TENT4B: variants seen among roughly 807,000 people sequenced by gnomAD.
TENT4B encodes PAP associated domain containing 5.
In TENT4B, 10 loss-of-function variants were observed where a neutral mutation model predicts 75.0. The ratio of observed to expected loss-of-function variants is 0.13; its 90% CI spans 0.08 to 0.23. The LOEUF is 0.23. TENT4B is among the 10% of genes least tolerant of loss of function. TENT4B has a pLI of 1.00. For missense variants in TENT4B, 579 were observed against 893.8 expected (o/e 0.65, Z 4.49); for synonymous variants, 350 against 357.7 (o/e 0.98, Z 0.24).
chr16:50,194,212 C>T (rs369255432), intron 1 of TENT4B, among the ~76,000 whole-genome samples: 45 of 89,212 alleles, frequency 5.0e-4, no homozygotes, highest in African/African-American at 1.3e-3. Flanking sequence ...TTTCTCTTTT[C>T]TTTCTTTTTT....
At chr16:50,186,480 T>A (rs1300615744) in intron 1 of TENT4B, among the ~76,000 whole-genome samples, 1 of 152,218 alleles carries the variant, frequency 6.6e-6, no homozygotes, top group Non-Finnish European at 1.5e-5. Flanking sequence ...GTTTTTTCAT[T>A]CAACCTTGAT....
intron 1 of TENT4B, among the ~76,000 whole-genome samples, chr16:50,206,216 C>T (rs936213032): frequency 1.4e-4 from 22 of 152,212 alleles, no homozygotes; most frequent in Admixed American, 1.1e-3. Flanking sequence ...TTTGTGTAAA[C>T]ATTATCGTTT....
intron 1 of TENT4B, among the ~76,000 whole-genome samples, chr16:50,188,098 A>G (rs1003845892): frequency 1.5e-4 from 23 of 152,210 alleles, no homozygotes; most frequent in African/African-American, 5.5e-4. Context: ...AAATAAGTTT[A>G]CAAGTTAAAG....
intron 1 of TENT4B, among the ~76,000 whole-genome samples, chr16:50,175,252 TTAAA>T (rs2038283974): frequency 6.6e-6 from 1 of 152,200 alleles, no homozygotes; most frequent in African/African-American, 2.4e-5. Context: ...TTTCATTCTC[TTAAA>T]TAGTGTCTTT....
chr16:50,228,607 C>G (rs915013142), intron 11 of TENT4B, among the ~76,000 whole-genome samples: 2 of 82,414 alleles, frequency 2.4e-5, no homozygotes, highest in Non-Finnish European at 6.8e-5. Context: ...GGGAATAGGC[C>G]TCTTGGCTGT....
intron 1 of TENT4B, among the ~76,000 whole-genome samples, chr16:50,176,697 G>A (rs1227946604): frequency 6.6e-6 from 1 of 151,122 alleles, no homozygotes; most frequent in Non-Finnish European, 1.5e-5. Flanking sequence ...AGTAGAGATG[G>A]GGTTTCACCA....
rs869060811 is a variant in TENT4B at position 50,182,891 on chromosome 16, C to CTTTTTTTTTTTTTTTTT, written c.639-28417_639-28401dup. 4.7e-3 allele frequency among the ~76,000 whole-genome samples: 173 copies of CTTTTTTTTTTTTTTTTT among 36,474 alleles called. 50 individuals carry two copies. Among genetic ancestry groups the CTTTTTTTTTTTTTTTTT allele is most frequent in the Non-Finnish European group, 6.7e-3 (133 of 19,704 alleles). 23.9% of individuals were successfully genotyped at this position (36,474 alleles called of 152,430 possible). ...CCAAGTACAGCAAGTTTTATTTTAC[C>CTTTTTTTTTTTTTTTTT]TTTTTTTTTTTTTTTTTTTTTTTTT... is the stretch of plus-strand genomic sequence containing the variant. On this transcript the variant is annotated intron_variant, in intron 1 of 11. Coordinates refer to ENST00000561678, the MANE Select transcript of TENT4B (RefSeq NM_001365324.3).
intron 1 of TENT4B, among the ~76,000 whole-genome samples, chr16:50,197,052 A>C (rs556248924): frequency 6.6e-6 from 1 of 151,932 alleles, no homozygotes; most frequent in African/African-American, 2.4e-5. Flanking sequence ...TGCTGCAGTG[A>C]GATGTGATTG....
rs75868175 is a variant in TENT4B at position 50,232,056 on chromosome 16, A to G, written c.*2728A>G. On this transcript the variant is annotated 3_prime_UTR_variant, in exon 12 of 12. Coordinates refer to ENST00000561678, the MANE Select transcript of TENT4B (RefSeq NM_001365324.3). Reference sequence around the variant, plus strand: ...GGTGACATTTCTCAGGCAGTCATGTATGTGTACCTGGCCATTAGAAATATT... The same window carrying G: ...GGTGACATTTCTCAGGCAGTCATGTGTGTGTACCTGGCCATTAGAAATATT... 2.3e-4 allele frequency: 228 copies of G among 985,376 alleles called. No individual in the cohort carries two copies. The African/African-American group carries it at 3.8e-3, about 17-fold the overall frequency. 61.0% of individuals were successfully genotyped at this position (985,376 alleles called of 1,614,324 possible). A position where few individuals can be genotyped will look rare whatever the true frequency, so the allele number is the denominator to read the frequency against.
chr16:50,192,233 A>C (rs1211160106), intron 1 of TENT4B, among the ~76,000 whole-genome samples: 3 of 8,064 alleles, frequency 3.7e-4, no homozygotes, highest in Non-Finnish European at 1.6e-3. Context: ...ACTCTGTCTC[A>C]AAAAAAAAAA....
At chr16:50,217,290 A>G (rs1434266781) in intron 4 of TENT4B, among the ~76,000 whole-genome samples, 1 of 152,228 alleles carries the variant, frequency 6.6e-6, no homozygotes. Flanking sequence ...AACAATAAAA[A>G]TAAATAATAA....
chr16:50,196,653 G>C (rs1211597596), intron 1 of TENT4B, among the ~76,000 whole-genome samples: 1 of 151,968 alleles, frequency 6.6e-6, no homozygotes, highest in East Asian at 1.9e-4. Context: ...ACTGGCCAGG[G>C]GTAGTGCCTC....
At chr16:50,175,139 A>G (rs534795800) in intron 1 of TENT4B, among the ~76,000 whole-genome samples, 2 of 152,250 alleles carry the variant, frequency 1.3e-5, no homozygotes, top group South Asian at 4.1e-4. Flanking sequence ...AAGAACATGT[A>G]ATATTTCTCT....
In TENT4B at chr16:50,233,253, A is replaced by G. The variant is rs1268599062; in HGVS notation, c.*3925A>G. 1 of 985,426 alleles carries G rather than the reference A, an allele frequency of 1.0e-6. No individual in the cohort carries two copies. The highest frequency in any genetic ancestry group is 4.7e-5 in the South Asian group (1 of 21,288). 61.0% of individuals were successfully genotyped at this position (985,426 alleles called of 1,614,324 possible). On this transcript the variant is annotated 3_prime_UTR_variant, in exon 12 of 12. Transcript: ENST00000561678. ...AAAGATTTATATATGAAATTCCTTA[A>G]AAGAGTTCATCTTGCCTTGGTTTCT...
At chr16:50,172,391 T>C (rs574874245) in intron 1 of TENT4B, among the ~76,000 whole-genome samples, 6 of 152,174 alleles carry the variant, frequency 3.9e-5, no homozygotes, top group African/African-American at 1.2e-4. Flanking sequence ...AACCCACCTG[T>C]ACGGTGTGCT....
chr16:50,207,927 A>G (rs1237725271), intron 1 of TENT4B, among the ~76,000 whole-genome samples: 1 of 152,226 alleles, frequency 6.6e-6, no homozygotes, highest in Non-Finnish European at 1.5e-5. Flanking sequence ...CTCAGTCCTG[A>G]GGATAGAGCC....
chr16:50,215,972 G>A, intron 3 of TENT4B, 103 bp from the exon 4 acceptor site: 1 of 1,419,574 alleles, frequency 7.0e-7, no homozygotes, highest in South Asian at 1.3e-5. Context: ...GCCAGGGTGG[G>A]AAATAGGTTT....
chr16:50,158,009 C>T (rs1422203166), intron 1 of TENT4B, among the ~76,000 whole-genome samples: 2 of 152,036 alleles, frequency 1.3e-5, no homozygotes, highest in African/African-American at 4.8e-5. Context: ...AAGTGATCCT[C>T]CCGCCTCCGC....
intron 5 of TENT4B, among the ~76,000 whole-genome samples, chr16:50,217,966 G>T (rs2031650263): frequency 1.3e-5 from 2 of 150,798 alleles, no homozygotes; most frequent in Admixed American, 1.3e-4. Flanking sequence ...TAGTGTTGGG[G>T]TCTCGCTGTG....
Sources: gnomAD v4.1 joint callset for allele counts (sites outside exome capture counted in the v4.1 genomes callset) on GRCh38, gnomAD v4.1.1 for gene constraint, MANE v1.5 for transcripts, NCBI Gene and HGNC (gene_info 2026-07-23, HGNC 2026-07-21) for gene names.